IL34: variants seen among roughly 807,000 people sequenced by gnomAD.
The protein encoded by IL34 is interleukin-34.
Under a neutral mutation model 25.3 loss-of-function variants are expected in IL34, and 17 were observed. The ratio of observed to expected loss-of-function variants is 0.67; its 90% CI spans 0.46 to 1.01. IL34 has a LOEUF of 1.01. Ranked by LOEUF, IL34 falls within the 50% of genes least tolerant of loss-of-function variation. IL34 has a pLI of 0.00. For missense variants in IL34, 368 were observed against 312.9 expected (o/e 1.18, Z -1.33); for synonymous variants, 174 against 140.9 (o/e 1.23, Z -1.66).
intron 2 of IL34, among the ~76,000 whole-genome samples, chr16:70,655,546 C>T (rs1261139190): frequency 6.6e-6 from 1 of 151,884 alleles, no homozygotes; most frequent in Non-Finnish European, 1.5e-5. Flanking sequence ...CACCACCATG[C>T]CCAGCTAATT....
intron 4 of IL34, 31 bp from the exon 5 acceptor site, chr16:70,659,587 C>T (rs1014172148): frequency 2.5e-5 from 39 of 1,581,764 alleles, no homozygotes; most frequent in Non-Finnish European, 3.3e-5. Flanking sequence ...CCCCATCTCG[C>T]CACCGCTCCT....
intron 1 of IL34, among the ~76,000 whole-genome samples, chr16:70,581,243 C>A (rs144640277): frequency 1.1e-4 from 16 of 152,222 alleles, no homozygotes; most frequent in South Asian, 8.3e-4. Context: ...TGCACATAAA[C>A]CAACTAACTA....
At chr16:70,658,294 T>C (rs1247891796) in intron 4 of IL34, among the ~76,000 whole-genome samples, 3 of 152,220 alleles carry the variant, frequency 2.0e-5, no homozygotes, top group African/African-American at 7.2e-5. Flanking sequence ...AGGAGACTCC[T>C]TGATCTGCTT....
chr16:70,634,827 AT>A (rs2051605640), intron 1 of IL34, among the ~76,000 whole-genome samples: 4 of 152,148 alleles, frequency 2.6e-5, no homozygotes, highest in Non-Finnish European at 5.9e-5. Flanking sequence ...AATAGCTGGA[AT>A]TATGTAGTGT....
upstream of IL34, among the ~76,000 whole-genome samples, chr16:70,644,984 A>C (rs964209296): frequency 1.4e-5 from 2 of 142,546 alleles, no homozygotes; most frequent in Non-Finnish European, 3.0e-5. Context: ...GAAAGGGAGT[A>C]GGAGGAAGGA....
intron 1 of IL34, among the ~76,000 whole-genome samples, chr16:70,639,489 A>G (rs555765267): frequency 2.6e-5 from 4 of 152,362 alleles, no homozygotes; most frequent in Non-Finnish European, 4.4e-5. Context: ...TATCACAATT[A>G]GCAGCCCTCA....
intron 1 of IL34, among the ~76,000 whole-genome samples, chr16:70,614,340 C>G (rs2051142172): frequency 6.6e-6 from 1 of 152,132 alleles, no homozygotes; most frequent in African/African-American, 2.4e-5. Flanking sequence ...TTGCACCACC[C>G]CATCAGTGTC....
At chr16:70,626,959 A>G (rs2051407434) in intron 1 of IL34, among the ~76,000 whole-genome samples, 1 of 151,806 alleles carries the variant, frequency 6.6e-6, no homozygotes, top group African/African-American at 2.4e-5. Flanking sequence ...TCAAGTTCCC[A>G]CTGTTTTGTT....
chr16:70,599,253 A>T (rs1291194995), intron 1 of IL34, among the ~76,000 whole-genome samples: 1 of 106,600 alleles, frequency 9.4e-6, no homozygotes, highest in Non-Finnish European at 2.0e-5. Flanking sequence ...TATACCTGTT[A>T]TGTCAAGAAC....
At chr16:70,634,220 T>C (rs1053456566) in intron 1 of IL34, among the ~76,000 whole-genome samples, 1 of 152,180 alleles carries the variant, frequency 6.6e-6, no homozygotes, top group Non-Finnish European at 1.5e-5. Context: ...CTCACTCTAA[T>C]TTGACTAATG....
In IL34 at chr16:70,586,099, TG is replaced by T. The variant is rs1352472800; in HGVS notation, c.-401+6053del. 6.6e-5 allele frequency among the ~76,000 whole-genome samples: 10 copies of T among 152,208 alleles called. No individual in the cohort carries two copies. The East Asian group carries it at 1.9e-3, about 29-fold the overall frequency. The stretch of plus-strand genomic sequence containing the variant: ...TGCCTGCTTTGGCCTCCCAAAGTGC[TG>T]GGATTACAGGCATGAGCCACCGCCC... On this transcript the variant is annotated intron_variant, in intron 1 of 6. Coordinates refer to the IL34 transcript ENST00000429149.
At chr16:70,622,342 G>T (rs1476406722) in intron 1 of IL34, among the ~76,000 whole-genome samples, 2 of 152,080 alleles carry the variant, frequency 1.3e-5, no homozygotes, top group Non-Finnish European at 2.9e-5. Context: ...AAATCCCTGA[G>T]CTTGATGTGT....
At chr16:70,611,541 C>A (rs1272206544) in intron 1 of IL34, among the ~76,000 whole-genome samples, 2 of 152,140 alleles carry the variant, frequency 1.3e-5, no homozygotes, top group African/African-American at 2.4e-5. Flanking sequence ...GTAATCCCAG[C>A]TCTTTGGGAG....
At chr16:70,655,140 C>T (rs973224038) in intron 2 of IL34, among the ~76,000 whole-genome samples, 19 of 151,890 alleles carry the variant, frequency 1.3e-4, no homozygotes, top group African/African-American at 4.1e-4. Context: ...GCAACCTCCA[C>T]CTCCCCGGTT....
chr16:70,656,713 C>A, intron 3 of IL34, 34 bp downstream of exon 3: 1 of 1,062,784 alleles, frequency 9.4e-7, no homozygotes, highest in South Asian at 1.2e-5. Flanking sequence ...GGGGACCCTG[C>A]CTCCTGCGAC....
chr16:70,622,205 C>T (rs1046751072), intron 1 of IL34, among the ~76,000 whole-genome samples: 23 of 152,176 alleles, frequency 1.5e-4, no homozygotes, highest in African/African-American at 5.1e-4. Flanking sequence ...CTGTGGTGGC[C>T]TTCTCAGACC....
chr16:70,656,937 C>A, intron 3 of IL34, 23 bp from the exon 4 acceptor site: 2 of 1,592,958 alleles, frequency 1.3e-6, no homozygotes, highest in South Asian at 1.1e-5. Context: ...TCCCGAGTTG[C>A]AGTGACTTCC....
chr16:70,651,099 G>A (rs1244807675), intron 1 of IL34, among the ~76,000 whole-genome samples: 1 of 151,986 alleles, frequency 6.6e-6, no homozygotes, highest in Non-Finnish European at 1.5e-5. Flanking sequence ...GTAATCCCAG[G>A]TCATGAGTGA....
chr16:70,588,035 T>A (rs889419506), intron 1 of IL34, among the ~76,000 whole-genome samples: 4 of 151,984 alleles, frequency 2.6e-5, no homozygotes, highest in Non-Finnish European at 5.9e-5. Flanking sequence ...TGAGACCCTG[T>A]CTCAGAAACA....
Sources: allele counts gnomAD v4.1 joint callset (sites outside exome capture counted in the v4.1 genomes callset), GRCh38; gene constraint gnomAD v4.1.1; transcripts MANE v1.5; gene names NCBI Gene and HGNC (gene_info 2026-07-23, HGNC 2026-07-21).